The following ZMAT4 variants were observed in gnomAD, a reference collection of about 807,000 sequenced individuals.
ZMAT4 encodes the protein zinc finger matrin-type protein 4.
Under a neutral mutation model 28.7 loss-of-function variants are expected in ZMAT4, and 17 were observed. That is an observed-to-expected ratio of 0.59 (90% CI 0.41 to 0.89). The LOEUF (loss-of-function observed/expected upper bound fraction) is 0.89. Ranked by LOEUF, ZMAT4 falls within the 40% of genes least tolerant of loss-of-function variation. The pLI is 0.00. For missense variants in ZMAT4, 240 were observed against 283.8 expected, an observed-to-expected ratio of 0.85 and a Z score of 1.11; for synonymous variants, 117 against 109.2, an observed-to-expected ratio of 1.07 and a Z score of -0.44.
intron 5 of ZMAT4, among the ~76,000 whole-genome samples, chr8:40,629,577 C>G (rs898387119): frequency 7.2e-6 from 1 of 138,860 alleles, no homozygotes; most frequent in East Asian, 2.2e-4. Flanking sequence ...CCACAACAGG[C>G]CCCGGTGTGT....
intron 6 of ZMAT4, among the ~76,000 whole-genome samples, chr8:40,554,045 G>T (rs557775945): frequency 6.6e-6 from 1 of 152,044 alleles, no homozygotes; most frequent in Non-Finnish European, 1.5e-5. Flanking sequence ...TACATGTCTT[G>T]TCATGTCATA....
At chr8:40,896,088 G>A (rs545419620) in intron 1 of ZMAT4, among the ~76,000 whole-genome samples, 1 of 152,346 alleles carries the variant, frequency 6.6e-6, no homozygotes, top group African/African-American at 2.4e-5. Flanking sequence ...AAGTGGGCAG[G>A]CATTTTTTTA....
chr8:40,786,252 G>A (rs559861338), intron 2 of ZMAT4, among the ~76,000 whole-genome samples: 2 of 152,250 alleles, frequency 1.3e-5, no homozygotes, highest in African/African-American at 4.8e-5. Context: ...TCTGCTGAGA[G>A]TGAATTTACA....
Position 40,812,904 on chromosome 8 carries a change from G to T in ZMAT4, c.102+12671C>A, listed in dbSNP as rs1359535072. On this transcript the variant is annotated intron_variant, in intron 2 of 6. Transcript: ENST00000297737. ...GCCGAGATTGTGCCACTGCACTCCA[G>T]CCTGGGCGACAAGAGCAAAACTCCA... Among the ~76,000 whole-genome samples the T allele has an allele frequency of 2.0e-5, 3 of 151,240 alleles. No individual in the cohort carries two copies. In the East Asian group the frequency reaches 5.8e-4, roughly 29 times the overall value.
At chr8:40,747,929 T>C (rs1056866701) in intron 3 of ZMAT4, among the ~76,000 whole-genome samples, 1 of 152,122 alleles carries the variant, frequency 6.6e-6, no homozygotes, top group Non-Finnish European at 1.5e-5. Context: ...TGAAACAAGA[T>C]TTTTTTCTTT....
intron 1 of ZMAT4, 95 bp from the exon 2 acceptor site, chr8:40,825,775 G>T (rs1014248419): frequency 1.0e-6 from 1 of 953,062 alleles, no homozygotes; most frequent in Non-Finnish European, 1.6e-6. Context: ...ACAGTAACAG[G>T]TCTGACAATG....
chr8:40,743,690 A>G (rs1392184309), intron 3 of ZMAT4, among the ~76,000 whole-genome samples: 1 of 152,136 alleles, frequency 6.6e-6, no homozygotes, highest in African/African-American at 2.4e-5. Context: ...CGCAAAACAG[A>G]ATTGGGATAG....
intron 5 of ZMAT4, among the ~76,000 whole-genome samples, chr8:40,654,408 C>G (rs1172303967): frequency 3.3e-5 from 5 of 152,140 alleles, no homozygotes; most frequent in Admixed American, 6.6e-5. Context: ...CTCATGTGTG[C>G]TGCTGGTCAT....
At chr8:40,593,633 A>G (rs908951271) in intron 5 of ZMAT4, among the ~76,000 whole-genome samples, 2 of 152,214 alleles carry the variant, frequency 1.3e-5, no homozygotes, top group Admixed American at 1.3e-4. Flanking sequence ...CACCTGGCCA[A>G]TGAAAGGGCC....
chr8:40,800,399 A>G (rs1056925205), intron 2 of ZMAT4, among the ~76,000 whole-genome samples: 2 of 152,186 alleles, frequency 1.3e-5, no homozygotes, highest in Non-Finnish European at 2.9e-5. Context: ...AATATAATGG[A>G]TATCTATAGA....
At chr8:40,654,358 C>G (rs928791097) in intron 5 of ZMAT4, among the ~76,000 whole-genome samples, 2 of 152,140 alleles carry the variant, frequency 1.3e-5, no homozygotes, top group African/African-American at 4.8e-5. Context: ...TGAGGCACTT[C>G]CCTTGCATAC....
intron 1 of ZMAT4, among the ~76,000 whole-genome samples, chr8:40,847,214 C>CCA (rs1816937708): frequency 3.0e-5 from 3 of 99,594 alleles, no homozygotes; most frequent in African/African-American, 4.4e-5. Flanking sequence ...AAAAAACAAA[C>CCA]AAACAAAAAA....
Position 40,894,165 on chromosome 8 carries a change from C to T in ZMAT4, c.-5+3518G>A, listed in dbSNP as rs57639986. ...AGGACAGTGGCACAGTGAGGGCTTG[C>T]GGCTGGTGGGACTCTCCAGGTGTCA... On this transcript the variant is annotated intron_variant, in intron 1 of 6. Coordinates refer to ENST00000297737, the MANE Select transcript of ZMAT4 (RefSeq NM_024645.3). Among the ~76,000 whole-genome samples, 903 of 152,304 alleles carry T rather than the reference C, an allele frequency of 5.9e-3. 15 individuals are homozygous for T. Among genetic ancestry groups the T allele is most frequent in the African/African-American group, 0.02 (849 of 41,558 alleles).
chr8:40,659,033 G>C (rs1268583118), intron 5 of ZMAT4, among the ~76,000 whole-genome samples: 4 of 152,112 alleles, frequency 2.6e-5, no homozygotes, highest in African/African-American at 9.7e-5. Flanking sequence ...CCAAGACGTG[G>C]TTGCAGCAAT....
intron 3 of ZMAT4, among the ~76,000 whole-genome samples, chr8:40,715,153 C>G (rs1563431045): frequency 6.6e-6 from 1 of 150,732 alleles, no homozygotes; most frequent in East Asian, 2.0e-4. Flanking sequence ...AACTGGGGAA[C>G]AGCATTCGAA....
chr8:40,584,423 T>A (rs1156635260), intron 5 of ZMAT4, among the ~76,000 whole-genome samples: 1 of 152,172 alleles, frequency 6.6e-6, no homozygotes, highest in African/African-American at 2.4e-5. Context: ...AATTAACTTT[T>A]AATAAATTTT....
intron 3 of ZMAT4, among the ~76,000 whole-genome samples, chr8:40,706,062 T>C (rs766399628): frequency 6.6e-6 from 1 of 152,134 alleles, no homozygotes; most frequent in African/African-American, 2.4e-5. Flanking sequence ...TTATTATTGG[T>C]TGTTTTTTCT....
chr8:40,640,687 A>T (rs992945675), intron 5 of ZMAT4, among the ~76,000 whole-genome samples: 1 of 152,050 alleles, frequency 6.6e-6, no homozygotes, highest in Non-Finnish European at 1.5e-5. Context: ...GAGGCCAGGC[A>T]TGGTGGCTCA....
chr8:40,724,473 G>A (rs915626183), intron 3 of ZMAT4, among the ~76,000 whole-genome samples: 1 of 152,208 alleles, frequency 6.6e-6, no homozygotes, highest in Non-Finnish European at 1.5e-5. Flanking sequence ...GACAATGTCT[G>A]AAGATGACAT....
Sources: allele counts gnomAD v4.1 joint callset (sites outside exome capture counted in the v4.1 genomes callset), GRCh38; gene constraint gnomAD v4.1.1; transcripts MANE v1.5; gene names NCBI Gene and HGNC (gene_info 2026-07-23, HGNC 2026-07-21).